Variants in ATP13A3 observed in about 807,000 individuals in gnomAD.
The protein encoded by ATP13A3 is ATPase 13A3.
Under a neutral mutation model 158.1 loss-of-function variants are expected in ATP13A3, and 59 were observed. That is an observed-to-expected ratio of 0.37 (90% CI 0.30 to 0.46). The LOEUF is 0.46. Among genes scored for constraint, ATP13A3 ranks in the 20% least tolerant of loss-of-function variants. ATP13A3 has a pLI of 1.00. For missense variants in ATP13A3, 1,166 were observed against 1,525.2 expected, an observed-to-expected ratio of 0.76 and a Z score of 3.92; for synonymous variants, 491 against 504.3, an observed-to-expected ratio of 0.97 and a Z score of 0.35.
intron 2 of ATP13A3, among the ~76,000 whole-genome samples, chr3:194,482,470 T>C (rs573207561): frequency 6.1e-4 from 93 of 152,358 alleles, no homozygotes; most frequent in African/African-American, 2.1e-3. Context: ...GACCTTCTTC[T>C]ACCTTACAAA....
chr3:194,473,785 G>A (rs924205911), intron 2 of ATP13A3, among the ~76,000 whole-genome samples: 5 of 152,120 alleles, frequency 3.3e-5, no homozygotes, highest in African/African-American at 9.7e-5. Flanking sequence ...CCACCTGAAC[G>A]TCCATCAATA....
Position 194,421,944 on chromosome 3 carries a change from C to CAAAAAA in ATP13A3, c.3314-1983_3314-1978dup, listed in dbSNP as rs397972334. Among the ~76,000 whole-genome samples the CAAAAAA allele has an allele frequency of 3.7e-4, 36 of 97,476 alleles. 1 individual carries two copies. The highest frequency in any genetic ancestry group is 1.3e-3 in the African/African-American group (30 of 23,134). The allele number at this position is 97,476 out of a possible 152,430, so 63.9% of individuals were successfully genotyped here. A position where few individuals can be genotyped will look rare whatever the true frequency, so the allele number is the denominator to read the frequency against. On this transcript the variant is annotated intron_variant, in intron 30 of 33. Coordinates refer to ENST00000645319, the MANE Select transcript of ATP13A3 (RefSeq NM_001367549.1). ...TGGTTCTTGACATGTGTGTCGTTGG[C>CAAAAAA]AAAAAAAAAAAAAAAAAATTTACTC... is the stretch of plus-strand genomic sequence containing the variant.
At chr3:194,487,220 TG>T (rs1721052025), upstream of ATP13A3, among the ~76,000 whole-genome samples, 2 of 151,428 alleles carry the variant, frequency 1.3e-5, no homozygotes, top group Admixed American at 6.6e-5. Context: ...CAGCCCGGGG[TG>T]GCTAATGGAG....
intron 31 of ATP13A3, among the ~76,000 whole-genome samples, chr3:194,416,624 C>G (rs532417895): frequency 6.6e-6 from 1 of 152,170 alleles, no homozygotes; most frequent in South Asian, 2.1e-4. Context: ...AAGAGTAAGA[C>G]AAGGATATCA....
chr3:194,437,128 T>C lies in ATP13A3; in HGVS notation c.2087A>G (p.Lys696Arg), dbSNP rs952783100. The C allele has an allele frequency of 6.2e-7, 1 of 1,614,156 alleles. No homozygotes were observed. The highest frequency in any genetic ancestry group is 8.5e-7 in the Non-Finnish European group (1 of 1,180,022). Residue 696 changes from lysine to arginine, a missense_variant, in exon 20 of 34, where the codon AAA becomes AGA. Lys to Arg is a conservative substitution (Grantham distance 26). Around this residue, in one of 3 missense-constraint regions of ATP13A3, gnomAD observed 997 missense variants for 1,341.2 expected, o/e 0.74. Transcript: ENST00000645319. ...ATTCTGTACTTTATGCCATGTCAGT[T>C]TTGACTCCAATTTTCTGTGTGCAAG... ...IALAHRKLES[K>R]LTWHKVQNIS...
chr3:194,412,664 C>A, intron 32 of ATP13A3: 1 of 196,454 alleles, frequency 5.1e-6, no homozygotes, highest in South Asian at 9.7e-5. Context: ...TCATCAGCAT[C>A]CAACACAAAC....
chr3:194,441,247 A>G (rs1243854554), intron 16 of ATP13A3, 64 bp downstream of exon 16: 64 of 1,302,410 alleles, frequency 4.9e-5, no homozygotes, highest in South Asian at 4.6e-4. Context: ...TCCTTGTATG[A>G]GGTAATTTAA....
intron 20 of ATP13A3, 118 bp downstream of exon 20, chr3:194,436,977 A>G: frequency 5.6e-6 from 7 of 1,245,032 alleles, no homozygotes; most frequent in Middle Eastern, 2.1e-4. Context: ...AAACAATATT[A>G]TATTAGATAT....
At position 194,413,080 on chromosome 3, in the gene ATP13A3, T is replaced by C. The variant is rs1340806731; in HGVS notation, c.3483+679A>G. On this transcript the variant is annotated intron_variant, in intron 32 of 33. Transcript: ENST00000645319. ...TAGTTACTGTAAGAGTCAATTATGA[T>C]AGTAGTTCAGAGAGCAGACAAAAGC... 5 of 152,356 alleles carry C rather than the reference T, an allele frequency of 3.3e-5. No homozygotes were observed. In the East Asian group the frequency reaches 7.7e-4, roughly 23 times the overall value. 9.4% of individuals were successfully genotyped at this position (152,356 alleles called of 1,614,324 possible). A position where few individuals can be genotyped will look rare whatever the true frequency, so the allele number is the denominator to read the frequency against.
chr3:194,437,243 T>C, intron 19 of ATP13A3, 28 bp from the exon 20 acceptor site: 10 of 1,613,872 alleles, frequency 6.2e-6, no homozygotes, highest in Non-Finnish European at 8.5e-6. Flanking sequence ...TAAATTTCAT[T>C]GTTAGAGTTG....
upstream of ATP13A3, chr3:194,488,216 T>A (rs1173771833): frequency 6.7e-6 from 1 of 150,258 alleles, no homozygotes. The surrounding 1 kb of genome is among the most constrained non-coding windows in gnomAD (Gnocchi z 4.1). Flanking sequence ...TCAAACCTCG[T>A]GGTGTTGAAA....
chr3:194,483,524 A>C (rs1720844039), intron 2 of ATP13A3, among the ~76,000 whole-genome samples: 1 of 152,014 alleles, frequency 6.6e-6, no homozygotes, highest in African/African-American at 2.4e-5. Context: ...CAGAAGGTCA[A>C]GGCTGCAGTG....
chr3:194,422,285 G>A (rs542171063), intron 30 of ATP13A3, among the ~76,000 whole-genome samples: 7 of 152,328 alleles, frequency 4.6e-5, no homozygotes, highest in Non-Finnish European at 8.8e-5. Flanking sequence ...TGAATTTCTT[G>A]TAGACTATGC....
At chr3:194,468,037 G>A (rs1720099117) in intron 2 of ATP13A3, 1 of 151,986 alleles carries the variant, frequency 6.6e-6, no homozygotes, top group African/African-American at 2.4e-5. Context: ...TCAAAAGCTG[G>A]CTTTTAATAA....
At chr3:194,457,259 T>C in intron 6 of ATP13A3, 85 bp from the exon 7 acceptor site, 1 of 975,470 alleles carries the variant, frequency 1.0e-6, no homozygotes, top group South Asian at 1.5e-5. Context: ...TGCCTGATTT[T>C]ATAAAGGTGT....
rs770178177 is a variant in ATP13A3, at chr3:194,437,058, T to C, written c.2120+37A>G. On this transcript the variant is annotated intron_variant, in intron 20 of 33. Coordinates refer to ENST00000645319, the MANE Select transcript of ATP13A3 (RefSeq NM_001367549.1). ...GCATGACTAATATAACCATAAATGATGATGACTGGGAAACTAGGAAAGCCG... is the reference window on the plus strand; with the variant it reads ...GCATGACTAATATAACCATAAATGACGATGACTGGGAAACTAGGAAAGCCG... 4 of 1,601,536 alleles carry C rather than the reference T, an allele frequency of 2.5e-6. No homozygotes were observed. In the Admixed American group the frequency reaches 5.1e-5, roughly 21 times the overall value.
intron 3 of ATP13A3, 30 bp downstream of exon 3, chr3:194,462,110 C>T: frequency 3.1e-6 from 5 of 1,605,630 alleles, no homozygotes; most frequent in Non-Finnish European, 3.4e-6. Flanking sequence ...AGTCTTCACA[C>T]ATCACCAGTA....
chr3:194,475,253 G>C (rs951099688), intron 2 of ATP13A3, among the ~76,000 whole-genome samples: 2 of 152,066 alleles, frequency 1.3e-5, no homozygotes, highest in African/African-American at 4.8e-5. Flanking sequence ...CTTCTGTATG[G>C]TTCACTTCAG....
chr3:194,412,635 T>C, intron 32 of ATP13A3: 1 of 231,954 alleles, frequency 4.3e-6, no homozygotes. Flanking sequence ...TCTATATCCC[T>C]ATCTATAGAT....
Sources: gnomAD v4.1 joint callset for allele counts (sites outside exome capture counted in the v4.1 genomes callset) on GRCh38, gnomAD v4.1.1 for gene constraint, gnomAD v4.1.1 regional missense constraint, Gnocchi (gnomAD v3.1) non-coding constraint, MANE v1.5 for transcripts, NCBI Gene and HGNC (gene_info 2026-07-23, HGNC 2026-07-21) for gene names.